The following WDPCP variants were observed in gnomAD, a reference collection of about 807,000 sequenced individuals.
The protein encoded by WDPCP is WD repeat containing planar cell polarity effector.
In WDPCP, 71 loss-of-function variants were observed where a neutral mutation model predicts 93.1. The ratio of observed to expected loss-of-function variants is 0.76; its 90% CI spans 0.63 to 0.93. The LOEUF (loss-of-function observed/expected upper bound fraction) is 0.93. Among genes scored for constraint, WDPCP ranks in the 40% least tolerant of loss-of-function variants. The pLI is 0.00. For synonymous variants in WDPCP, 315 were observed against 315.0 expected (o/e 1.00, Z 0.00); for missense variants, 844 against 887.4 (o/e 0.95, Z 0.62).
rs188126201 is a variant in WDPCP at position 63,622,370 on chromosome 2, G to C, written n.488+28289C>G. The C allele has an allele frequency of 5.7e-4, 918 of 1,604,872 alleles. 1 individual carries two copies. The highest frequency in any genetic ancestry group is 3.3e-3 in the South Asian group (300 of 90,798). ...CAAAACCCTTCATAGTCTTGGTCACGTTGCTTTTGAACTGGGCAAGACCAA... is the reference window on the plus strand; with the variant it reads ...CAAAACCCTTCATAGTCTTGGTCACCTTGCTTTTGAACTGGGCAAGACCAA... On this transcript the variant is annotated intron_variant and non_coding_transcript_variant, in intron 3 of 4. Coordinates refer to the WDPCP transcript ENST00000467687.
intron 14 of WDPCP, among the ~76,000 whole-genome samples, chr2:63,183,876 C>G (rs1674432652): frequency 6.6e-6 from 1 of 151,894 alleles, no homozygotes; most frequent in South Asian, 2.1e-4. Flanking sequence ...TATATAATGA[C>G]TGACTTTGTC....
At chr2:63,203,398 A>G (rs947034681) in intron 14 of WDPCP, among the ~76,000 whole-genome samples, 1 of 152,122 alleles carries the variant, frequency 6.6e-6, no homozygotes, top group Non-Finnish European at 1.5e-5. Flanking sequence ...GTCAAATACT[A>G]TGTCTTATTC....
chr2:63,718,907 A>C (rs1386022019), intron 2 of WDPCP, among the ~76,000 whole-genome samples: 1 of 152,222 alleles, frequency 6.6e-6, no homozygotes, highest in East Asian at 1.9e-4. Flanking sequence ...AAAAACAATT[A>C]ATATATAAAA....
At chr2:63,501,951 A>G (rs929209730) in intron 1 of WDPCP, among the ~76,000 whole-genome samples, 2 of 152,176 alleles carry the variant, frequency 1.3e-5, no homozygotes, top group Non-Finnish European at 2.9e-5. Context: ...AAAATTACAA[A>G]AGCAACACAT....
At position 63,530,460 on chromosome 2, in the gene WDPCP, C is replaced by T. The variant is rs141948636; in HGVS notation, c.76-37520G>A. On this transcript the variant is annotated intron_variant, in intron 1 of 17. Coordinates refer to ENST00000272321, the MANE Select transcript of WDPCP (RefSeq NM_015910.7). The stretch of plus-strand genomic sequence containing the variant: ...TTTCAGGGCAGGTATGCTTTATGTA[C>T]GGTATAAAAGACTTGGGTTTCTTAA... 6.6e-5 allele frequency among the ~76,000 whole-genome samples: 10 copies of T among 152,186 alleles called. No homozygotes were observed. The East Asian group carries it at 1.2e-3, about 18-fold the overall frequency.
intron 1 of WDPCP, among the ~76,000 whole-genome samples, chr2:63,582,060 C>A (rs1260948661): frequency 6.6e-6 from 1 of 151,252 alleles, no homozygotes; most frequent in Non-Finnish European, 1.5e-5. Flanking sequence ...TACCAGACTT[C>A]CAAAGAAGCA....
At chr2:63,654,507 T>C (rs1710142758) in intron 2 of WDPCP, among the ~76,000 whole-genome samples, 1 of 152,230 alleles carries the variant, frequency 6.6e-6, no homozygotes, top group South Asian at 2.1e-4. Context: ...GGATGCCTTC[T>C]TCCTTCCTCA....
rs1323216405 is a variant in WDPCP, at chr2:63,802,556, T to TA, written n.308+11065dup. Among the ~76,000 whole-genome samples, 9 of 152,228 alleles carry TA rather than the reference T, an allele frequency of 5.9e-5. No homozygotes were observed. In the South Asian group the frequency reaches 6.2e-4, roughly 11 times the overall value. ...GATTTTTTCTAGCTGTGACTGAAAGTAAAAAAATTGTGAAGAATTTTGGAC... is the reference window on the plus strand; with the variant it reads ...GATTTTTTCTAGCTGTGACTGAAAGTAAAAAAAATTGTGAAGAATTTTGGAC... On this transcript the variant is annotated intron_variant and non_coding_transcript_variant, in intron 2 of 4. Transcript: ENST00000467687.
At chr2:63,729,007 G>C (rs977383520) in intron 2 of WDPCP, among the ~76,000 whole-genome samples, 3 of 152,090 alleles carry the variant, frequency 2.0e-5, no homozygotes, top group African/African-American at 7.2e-5. Flanking sequence ...TTGACCAAGA[G>C]TTAATTATGC....
intron 15 of WDPCP, among the ~76,000 whole-genome samples, chr2:63,172,688 A>G (rs1159517938): frequency 6.6e-6 from 1 of 152,230 alleles, no homozygotes; most frequent in African/African-American, 2.4e-5. Context: ...AGAATGTCCA[A>G]ACTTCAAAAT....
intron 1 of WDPCP, among the ~76,000 whole-genome samples, chr2:63,560,894 A>C (rs1331666461): frequency 6.6e-6 from 1 of 152,196 alleles, no homozygotes; most frequent in African/African-American, 2.4e-5. Flanking sequence ...TGACCAGTTG[A>C]TGGGTGCAGC....
chr2:63,347,829 T>G (rs1689304356), intron 12 of WDPCP, among the ~76,000 whole-genome samples: 1 of 151,430 alleles, frequency 6.6e-6, no homozygotes, highest in South Asian at 2.1e-4. Flanking sequence ...AGCCCCCTCT[T>G]TGACTTATAT....
chr2:63,323,884 C>T (rs1687318066), intron 12 of WDPCP, among the ~76,000 whole-genome samples: 1 of 152,102 alleles, frequency 6.6e-6, no homozygotes, highest in African/African-American at 2.4e-5. Flanking sequence ...TTCCGATCAG[C>T]AGGGTCCAGG....
intron 9 of WDPCP, among the ~76,000 whole-genome samples, chr2:63,411,787 GA>G (rs570366361): frequency 2.2e-3 from 334 of 152,152 alleles, no homozygotes; most frequent in African/African-American, 7.4e-3. Context: ...AGAATAGAGG[GA>G]AAAATTCCTG....
intron 17 of WDPCP, among the ~76,000 whole-genome samples, chr2:63,135,612 G>GT (rs975147603): frequency 2.0e-5 from 3 of 152,188 alleles, no homozygotes; most frequent in African/African-American, 7.2e-5. Flanking sequence ...TTATAGGCAT[G>GT]TGCCACTGTG....
chr2:63,319,206 C>T (rs758731896), intron 12 of WDPCP, among the ~76,000 whole-genome samples: 28 of 152,110 alleles, frequency 1.8e-4, no homozygotes, highest in Non-Finnish European at 2.9e-4. Context: ...ATGTCCAGAA[C>T]AATATTTCCT....
chr2:63,170,682 T>C (rs2103974141), intron 15 of WDPCP, among the ~76,000 whole-genome samples: 1 of 152,314 alleles, frequency 6.6e-6, no homozygotes, highest in Admixed American at 6.5e-5. Flanking sequence ...CATGATTGTT[T>C]TGGGGGAGGA....
At chr2:63,743,132 C>A (rs1000772248) in intron 2 of WDPCP, among the ~76,000 whole-genome samples, 1 of 152,048 alleles carries the variant, frequency 6.6e-6, no homozygotes, top group Non-Finnish European at 1.5e-5. Context: ...GAATCCAGAT[C>A]TGTCCCATTC....
intron 14 of WDPCP, among the ~76,000 whole-genome samples, chr2:63,238,942 T>C (rs1156279578): frequency 6.6e-6 from 1 of 152,134 alleles, no homozygotes; most frequent in African/African-American, 2.4e-5. Flanking sequence ...TTCCACGACA[T>C]AAATATTCCT....
Sources: gnomAD v4.1 joint callset for allele counts (sites outside exome capture counted in the v4.1 genomes callset) on GRCh38, gnomAD v4.1.1 for gene constraint, MANE v1.5 for transcripts, NCBI Gene and HGNC (gene_info 2026-07-23, HGNC 2026-07-21) for gene names.